The following SHISA6 variants were observed in gnomAD, a reference collection of about 807,000 sequenced individuals.
SHISA6 encodes protein shisa-6.
In SHISA6, 22 loss-of-function variants were observed where a neutral mutation model predicts 47.9. The observed-to-expected ratio is 0.46, with a 90% CI of 0.33 to 0.66. SHISA6 has a LOEUF of 0.66. Ranked by LOEUF, SHISA6 falls within the 30% of genes least tolerant of loss-of-function variation. The pLI, the probability that SHISA6 is intolerant of heterozygous loss-of-function variation, is 0.02. For missense variants in SHISA6, 680 were observed against 764.6 expected (o/e 0.89, Z 1.30); for synonymous variants, 388 against 337.8 (o/e 1.15, Z -1.63).
intron 2 of SHISA6, among the ~76,000 whole-genome samples, chr17:11,271,920 A>T (rs1332328306): frequency 6.6e-6 from 1 of 151,676 alleles, no homozygotes; most frequent in Non-Finnish European, 1.5e-5. Flanking sequence ...CAGCCTGGGG[A>T]TATGTTCAGC....
At chr17:11,550,095 C>T (rs1403403552) in intron 3 of SHISA6, among the ~76,000 whole-genome samples, 1 of 152,036 alleles carries the variant, frequency 6.6e-6, no homozygotes, top group African/African-American at 2.4e-5. Flanking sequence ...TGCTCTATCC[C>T]CCAGGCTGGA....
intron 2 of SHISA6, among the ~76,000 whole-genome samples, chr17:11,333,409 C>T (rs1278368559): frequency 1.3e-5 from 2 of 152,132 alleles, no homozygotes; most frequent in Non-Finnish European, 2.9e-5. Flanking sequence ...TTTTACCACC[C>T]CCTGCAGCCT....
At chr17:11,401,615 T>G (rs939139374) in intron 3 of SHISA6, among the ~76,000 whole-genome samples, 1 of 152,238 alleles carries the variant, frequency 6.6e-6, no homozygotes, top group Middle Eastern at 3.2e-3. Flanking sequence ...ATCACAATAG[T>G]AGGCTACACT....
chr17:11,310,506 C>A (rs1314533688), intron 2 of SHISA6, among the ~76,000 whole-genome samples: 1 of 152,040 alleles, frequency 6.6e-6, no homozygotes, highest in East Asian at 1.9e-4. Context: ...ATCAAGGAGT[C>A]CTGAATGGCT....
chr17:11,315,242 T>C (rs1479457954), intron 2 of SHISA6, among the ~76,000 whole-genome samples: 1 of 152,206 alleles, frequency 6.6e-6, no homozygotes, highest in Non-Finnish European at 1.5e-5. Context: ...TTATTTTTCA[T>C]TGGATTTTGC....
chr17:11,356,344 C>T (rs1056685994), intron 2 of SHISA6, among the ~76,000 whole-genome samples: 1 of 152,148 alleles, frequency 6.6e-6, no homozygotes, highest in African/African-American at 2.4e-5. Context: ...CAGGTAGTCC[C>T]CTCCAGAGAC....
rs556213211 is a variant in SHISA6, at chr17:11,543,961, C to T, written c.896-7935C>T. On this transcript the variant is annotated intron_variant, in intron 3 of 5. Transcript: ENST00000441885. Reference sequence around the variant, plus strand: ...GAACTTCAATGTAAGTCTCCTACCTCATATAAAAATTAACTCAAAATAGAT... The same window carrying T: ...GAACTTCAATGTAAGTCTCCTACCTTATATAAAAATTAACTCAAAATAGAT... Among the ~76,000 whole-genome samples the T allele has an allele frequency of 1.0e-4, 15 of 146,186 alleles. No individual in the cohort carries two copies. In the South Asian group the frequency reaches 3.0e-3, roughly 29 times the overall value.
At chr17:11,285,320 G>T (rs188057170) in intron 2 of SHISA6, among the ~76,000 whole-genome samples, 1 of 152,180 alleles carries the variant, frequency 6.6e-6, no homozygotes, top group Non-Finnish European at 1.5e-5. Context: ...GGTGTTGCAT[G>T]ATTTTTGCAG....
chr17:11,426,455 A>G (rs1914613138), intron 3 of SHISA6, among the ~76,000 whole-genome samples: 2 of 152,192 alleles, frequency 1.3e-5, no homozygotes, highest in African/African-American at 4.8e-5. Context: ...AGAGGAAGTT[A>G]AGTAGATTTG....
At chr17:11,389,146 C>G (rs1419965479) in intron 3 of SHISA6, among the ~76,000 whole-genome samples, 1 of 152,084 alleles carries the variant, frequency 6.6e-6, no homozygotes, top group East Asian at 2.0e-4. Context: ...CGGAGTCCAC[C>G]TCTAAGGTAG....
intron 3 of SHISA6, among the ~76,000 whole-genome samples, chr17:11,454,771 T>C (rs1264599422): frequency 2.0e-5 from 3 of 152,228 alleles, no homozygotes. Context: ...TCATTTGTTA[T>C]CTATTTCTTT....
At chr17:11,365,170 GTTA>G (rs1480862218) in intron 2 of SHISA6, among the ~76,000 whole-genome samples, 5 of 152,040 alleles carry the variant, frequency 3.3e-5, no homozygotes, top group South Asian at 2.1e-4. Context: ...TATAGCTACT[GTTA>G]TTATCATTAT....
intron 3 of SHISA6, among the ~76,000 whole-genome samples, chr17:11,467,049 G>T (rs554695218): frequency 4.3e-4 from 66 of 152,262 alleles, no homozygotes; most frequent in African/African-American, 1.5e-3. Flanking sequence ...TAAAATGACA[G>T]GTTTTTCTTT....
intron 3 of SHISA6, among the ~76,000 whole-genome samples, chr17:11,412,369 A>AAAGATATGG (rs1914146238): frequency 1.3e-5 from 2 of 152,194 alleles, no homozygotes. Context: ...ACTCTGGAGT[A>AAAGATATGG]AAGATATGGA....
chr17:11,562,035 C>T lies in SHISA6; in HGVS notation c.*3731C>T, dbSNP rs2142397068. 6.6e-6 allele frequency: 1 copy of T among 152,260 alleles called. No individual in the cohort carries two copies. The highest frequency in any genetic ancestry group is 6.5e-5 in the Admixed American group (1 of 15,282). 9.4% of individuals were successfully genotyped at this position (152,260 alleles called of 1,614,324 possible). On this transcript the variant is annotated 3_prime_UTR_variant, in exon 6 of 6. Coordinates refer to ENST00000441885, the MANE Select transcript of SHISA6 (RefSeq NM_207386.4). ...GCTCCCAACCCAGCCTGATGTTAGCCCAGAAGCTCCTGCTCTGGCCAAAGA... is the reference window on the plus strand; with the variant it reads ...GCTCCCAACCCAGCCTGATGTTAGCTCAGAAGCTCCTGCTCTGGCCAAAGA...
At chr17:11,445,942 C>T (rs886413691) in intron 3 of SHISA6, among the ~76,000 whole-genome samples, 5 of 152,206 alleles carry the variant, frequency 3.3e-5, no homozygotes, top group Admixed American at 1.3e-4. Flanking sequence ...ATTCTCCTGC[C>T]TCGGCGTCCT....
At chr17:11,277,280 TCACACACA>T (rs113287260) in intron 2 of SHISA6, among the ~76,000 whole-genome samples, 1,467 of 53,730 alleles carry the variant, frequency 0.027, 21 homozygotes, top group African/African-American at 0.058. Context: ...TCTCTCTCTC[TCACACACA>T]CACACACACA....
chr17:11,341,644 T>C (rs909319813), intron 2 of SHISA6, among the ~76,000 whole-genome samples: 2 of 152,100 alleles, frequency 1.3e-5, no homozygotes, highest in African/African-American at 4.8e-5. Context: ...AGGAATCCCA[T>C]TCTCTAAGTG....
chr17:11,300,057 A>C (rs976915580), intron 2 of SHISA6, among the ~76,000 whole-genome samples: 3 of 151,374 alleles, frequency 2.0e-5, no homozygotes, highest in African/African-American at 7.3e-5. Context: ...AGGCAGGAGA[A>C]TCGCTTGAAC....
Sources: allele counts gnomAD v4.1 joint callset (sites outside exome capture counted in the v4.1 genomes callset), GRCh38; gene constraint gnomAD v4.1.1; transcripts MANE v1.5; gene names NCBI Gene and HGNC (gene_info 2026-07-23, HGNC 2026-07-21).